CDK12: variants seen among roughly 807,000 people sequenced by gnomAD.
The protein encoded by CDK12 is cyclin-dependent kinase 12.
Under a neutral mutation model 133.8 loss-of-function variants are expected in CDK12, and 17 were observed. The observed-to-expected ratio is 0.13, with a 90% CI of 0.09 to 0.19. The LOEUF is 0.19. CDK12 is among the 10% of genes least tolerant of loss of function. The pLI is 1.00. For synonymous variants in CDK12, 694 were observed against 683.6 expected (o/e 1.02, Z -0.24); for missense variants, 1,508 against 1,818.7 (o/e 0.83, Z 3.11).
In CDK12 at chr17:39,530,710, C is replaced by G. The variant is rs1201988976; in HGVS notation, c.3867C>G (p.Ala1289=). The G allele has an allele frequency of 6.2e-7, 1 of 1,613,832 alleles. No homozygotes were observed. The highest frequency in any genetic ancestry group is 8.5e-7 in the Non-Finnish European group (1 of 1,180,012). The change falls in exon 14 of 14, where the codon GCC becomes GCG. Residue 1289 remains alanine, a synonymous_variant. Transcript: ENST00000447079. ...PPLVEGDLSS[A]PQELNPAVTA... The stretch of plus-strand genomic sequence containing the variant: ...TGGTTGAAGGCGATCTTTCCAGCGC[C>G]CCCCAGGAGTTGAACCCAGCCGTGA...
intron 9 of CDK12, 118 bp from the exon 10 acceptor site, chr17:39,517,322 A>T (rs2053875649): frequency 1.5e-6 from 1 of 674,714 alleles, no homozygotes; most frequent in Non-Finnish European, 2.7e-6. Flanking sequence ...ATGCCCTGTA[A>T]TGTAATAACC....
At chr17:39,494,772 TC>T (rs2145919830) in intron 5 of CDK12, 78 bp downstream of exon 5, 1 of 1,103,498 alleles carries the variant, frequency 9.1e-7, no homozygotes. Context: ...TTTCTTTCTT[TC>T]TTTTTTTTTT....
chr17:39,561,054 G>A (rs1472951194), intron 3 of CDK12, among the ~76,000 whole-genome samples: 1 of 152,110 alleles, frequency 6.6e-6, no homozygotes, highest in Non-Finnish European at 1.5e-5. Context: ...ATGGATCAGG[G>A]GACCTGTGCC....
chr17:39,525,731 G>A, intron 12 of CDK12, 133 bp from the exon 13 acceptor site: 1 of 663,718 alleles, frequency 1.5e-6, no homozygotes, highest in South Asian at 2.0e-5. Context: ...GACATTTTGA[G>A]GCATGAAAAA....
At chr17:39,520,579 C>T (rs767627300) in intron 11 of CDK12, among the ~76,000 whole-genome samples, 2 of 151,824 alleles carry the variant, frequency 1.3e-5, no homozygotes, top group Admixed American at 6.6e-5. Flanking sequence ...TTAGTAGAGA[C>T]GGGGTTACAC....
At chr17:39,489,257 A>G (rs1029938647) in intron 2 of CDK12, among the ~76,000 whole-genome samples, 3 of 151,146 alleles carry the variant, frequency 2.0e-5, no homozygotes, top group Admixed American at 1.3e-4. Flanking sequence ...TTTAATAGAG[A>G]TGGGGTTTCA....
chr17:39,540,417 A>C (rs2055353367), intron 1 of CDK12, among the ~76,000 whole-genome samples: 1 of 152,244 alleles, frequency 6.6e-6, no homozygotes, highest in South Asian at 2.1e-4. Flanking sequence ...ATGTGTCCAG[A>C]TGATAACCTG....
intron 6 of CDK12, among the ~76,000 whole-genome samples, chr17:39,503,092 A>G (rs2052843558): frequency 6.6e-6 from 1 of 152,026 alleles, no homozygotes; most frequent in African/African-American, 2.4e-5. Flanking sequence ...AAAAGAAATA[A>G]TCTTAGACTG....
chr17:39,554,360 G>A (rs563695981), intron 2 of CDK12, among the ~76,000 whole-genome samples: 1 of 152,304 alleles, frequency 6.6e-6, no homozygotes, highest in East Asian at 1.9e-4. Flanking sequence ...TAGTGGTGCA[G>A]GCTGTGGAGG....
intron 2 of CDK12, among the ~76,000 whole-genome samples, chr17:39,483,533 G>T (rs570030188): frequency 6.6e-6 from 1 of 152,050 alleles, no homozygotes; most frequent in East Asian, 1.9e-4. Context: ...TAAAGTGCTA[G>T]GATTACAGGC....
chr17:39,532,760 T>TG lies in CDK12; in HGVS notation c.*1444_*1445insG, dbSNP rs2054937434. The TG allele has an allele frequency of 4.3e-6, 1 of 232,836 alleles. No homozygotes were observed. Among genetic ancestry groups the TG allele is most frequent in the African/African-American group, 2.2e-5 (1 of 45,316 alleles). 14.4% of individuals were successfully genotyped at this position (232,836 alleles called of 1,614,324 possible). On this transcript the variant is annotated 3_prime_UTR_variant, in exon 14 of 14. Coordinates refer to ENST00000447079, the MANE Select transcript of CDK12 (RefSeq NM_016507.4). ...TAAATTGTGCTTCCAGGCAAGAACT[T>TG]TGCCTTATCATAAACAGGAAATGAA... is the stretch of plus-strand genomic sequence containing the variant.
chr17:39,532,678 G>A lies in CDK12; in HGVS notation c.*1362G>A. The A allele has an allele frequency of 4.3e-6, 1 of 232,746 alleles. No individual in the cohort carries two copies. Among genetic ancestry groups the A allele is most frequent in the Non-Finnish European group, 8.5e-6 (1 of 117,704 alleles). The allele number at this position is 232,746 out of a possible 1,614,324, so 14.4% of individuals were successfully genotyped here. A position where few individuals can be genotyped will look rare whatever the true frequency, so the allele number is the denominator to read the frequency against. Reference sequence around the variant, plus strand: ...ACATCCCAGCATGTGTACCCTGCCAGTTCTTTTAGGGATTTTTCCTCCAAA... The same window carrying A: ...ACATCCCAGCATGTGTACCCTGCCAATTCTTTTAGGGATTTTTCCTCCAAA... On this transcript the variant is annotated 3_prime_UTR_variant, in exon 14 of 14. Transcript: ENST00000447079.
At chr17:39,516,922 C>A (rs2053850249) in intron 9 of CDK12, among the ~76,000 whole-genome samples, 1 of 152,122 alleles carries the variant, frequency 6.6e-6, no homozygotes, top group African/African-American at 2.4e-5. Context: ...CTCGGCCTCC[C>A]AAAGTGCTGG....
At chr17:39,503,028 G>A (rs1478469043) in intron 6 of CDK12, among the ~76,000 whole-genome samples, 2 of 152,044 alleles carry the variant, frequency 1.3e-5, no homozygotes, top group African/African-American at 4.8e-5. Flanking sequence ...ACAGTGAGCC[G>A]AGATCAATCC....
In CDK12 at chr17:39,490,577, C is replaced by T; in HGVS notation, c.1952C>T (p.Ser651Leu). ...TTTAGTCCAAAAGAAACTCTTCCTT[C>T]AAAACCTGTGAAGAAAGAGAAGGAA... Reference protein sequence around the residue: ...DMDSPKETLPSKPVKKEKEQR... With the variant: ...DMDSPKETLPLKPVKKEKEQR... The change falls in exon 3 of 14, where the codon TCA (serine) becomes TTA (leucine). Residue 651 changes from serine (S) to leucine (L), a missense_variant. This residue lies in a region of CDK12 where 347 missense variants were observed against 330.8 expected (regional missense o/e 1.05). Coordinates refer to ENST00000447079, the MANE Select transcript of CDK12 (RefSeq NM_016507.4). The T allele has an allele frequency of 1.9e-6, 3 of 1,611,732 alleles. 1 individual carries two copies. Among genetic ancestry groups the T allele is most frequent in the East Asian group, 2.2e-5 (1 of 44,864 alleles).
At position 39,463,059 on chromosome 17, in the gene CDK12, A is replaced by T. The variant is rs768551585; in HGVS notation, c.988A>T (p.Arg330Trp). 1 of 1,614,068 alleles carries T rather than the reference A, an allele frequency of 6.2e-7. No homozygotes were observed. The change falls in exon 1 of 14, where the codon AGG becomes TGG. Residue 330 changes from arginine (R) to tryptophan (W), a missense_variant. Physicochemically the swap from Arg to Trp is moderately radical, Grantham distance 101 (BLOSUM62 -3). This residue lies in a region of CDK12 where 460 missense variants were observed against 490.8 expected (regional missense o/e 0.94). Transcript: ENST00000447079. ...SGRSPSPYGRRRSSSPFLSKR... is the reference protein window; with the variant it reads ...SGRSPSPYGRWRSSSPFLSKR... ...GCGATCGCCCAGTCCCTATGGTCGAAGGCGGTCCAGCAGCCCTTTCCTGAG... is the reference window on the plus strand; with the variant it reads ...GCGATCGCCCAGTCCCTATGGTCGATGGCGGTCCAGCAGCCCTTTCCTGAG...
chr17:39,462,989 C>T lies in CDK12; in HGVS notation c.918C>T (p.Ser306=), dbSNP rs779161898. 3.1e-6 allele frequency: 5 copies of T among 1,614,184 alleles called. No homozygotes were observed. In the Admixed American group the frequency reaches 6.7e-5, roughly 22 times the overall value. ...GACAGAGATCTGTCAGTCCCTATAGCAGGAGACGGTCGTCCAGCTACGAAA... is the reference window on the plus strand; with the variant it reads ...GACAGAGATCTGTCAGTCCCTATAGTAGGAGACGGTCGTCCAGCTACGAAA... ...SRRQRSVSPY[S]RRRSSSYERS... Residue 306 remains serine, a synonymous_variant, in exon 1 of 14, where the codon AGC becomes AGT. Transcript: ENST00000447079.
In CDK12 at chr17:39,471,259, C is replaced by T. The variant is rs374726872; in HGVS notation, c.1427C>T (p.Ser476Leu). 2 of 1,609,862 alleles carry T rather than the reference C, an allele frequency of 1.2e-6. No individual in the cohort carries two copies. Among genetic ancestry groups the T allele is most frequent in the Admixed American group, 1.7e-5 (1 of 58,662 alleles). Residue 476 changes from serine (S) to leucine (L), a missense_variant, in exon 2 of 14, where the codon TCA (serine) becomes TTA (leucine). Physicochemically the swap from Ser to Leu is moderately radical, Grantham distance 145. This residue lies in a region of CDK12 where 347 missense variants were observed against 330.8 expected (regional missense o/e 1.05). Coordinates refer to ENST00000447079, the MANE Select transcript of CDK12 (RefSeq NM_016507.4). ...THLNTEVKNS[S>L]DTGKVKLDEN... is the part of the protein sequence containing the mutation. ...CTAAACACAGAGGTAAAAAATTCTT[C>T]AGATACAGGGAAAGTAAAGTTGGAT... is the stretch of plus-strand genomic sequence containing the variant.
chr17:39,461,912 C>T lies in CDK12; in HGVS notation c.-160C>T. 1 of 574,032 alleles carries T rather than the reference C, an allele frequency of 1.7e-6. No individual in the cohort carries two copies. Among genetic ancestry groups the T allele is most frequent in the Non-Finnish European group, 3.1e-6 (1 of 321,590 alleles). 35.6% of individuals were successfully genotyped at this position (574,032 alleles called of 1,614,324 possible). ...CACCTCATGTAGAAGGGTGCTGAGG[C>T]GTCGGGAGGGAGGAGGAGCCTGGGC... On this transcript the variant is annotated 5_prime_UTR_variant, in exon 1 of 14. Transcript: ENST00000447079.
Sources: gnomAD v4.1 joint callset for allele counts (sites outside exome capture counted in the v4.1 genomes callset) on GRCh38, gnomAD v4.1.1 for gene constraint, gnomAD v4.1.1 regional missense constraint, MANE v1.5 for transcripts, NCBI Gene and HGNC (gene_info 2026-07-23, HGNC 2026-07-21) for gene names.